Variants in LRRTM4 observed in about 807,000 individuals in gnomAD.
The protein encoded by LRRTM4 is leucine rich repeat transmembrane neuronal 4.
LRRTM4 carries 25 observed loss-of-function variants against 47.6 expected under a neutral mutation model. The ratio of observed to expected loss-of-function variants is 0.53; its 90% CI spans 0.38 to 0.73. LRRTM4 has a LOEUF of 0.73. Among genes scored for constraint, LRRTM4 ranks in the 30% least tolerant of loss-of-function variants. The probability of loss-of-function intolerance (pLI) is 0.00; values close to 1 mark genes in which losing one functional copy is unlikely to be tolerated. For missense variants in LRRTM4, 638 were observed against 713.4 expected, an observed-to-expected ratio of 0.89 and a Z score of 1.20; for synonymous variants, 311 against 269.5, an observed-to-expected ratio of 1.15 and a Z score of -1.51.
intron 3 of LRRTM4, among the ~76,000 whole-genome samples, chr2:77,087,337 A>C (rs1263468413): frequency 6.6e-6 from 1 of 152,240 alleles, no homozygotes; most frequent in Admixed American, 6.5e-5. Flanking sequence ...AATCTGGTAG[A>C]AACAAAAAAT....
At chr2:76,926,460 C>T (rs1165573266) in intron 3 of LRRTM4, among the ~76,000 whole-genome samples, 3 of 152,048 alleles carry the variant, frequency 2.0e-5, no homozygotes, top group Non-Finnish European at 4.4e-5. Context: ...CAAGGAGATA[C>T]ATTTTGGGCC....
chr2:76,853,272 A>G (rs1256038290), intron 3 of LRRTM4, among the ~76,000 whole-genome samples: 1 of 152,130 alleles, frequency 6.6e-6, no homozygotes. Flanking sequence ...TTGATTCAAG[A>G]GATGTTCAAG....
At chr2:76,787,097 A>C (rs1322045688) in intron 3 of LRRTM4, among the ~76,000 whole-genome samples, 1 of 152,104 alleles carries the variant, frequency 6.6e-6, no homozygotes, top group African/African-American at 2.4e-5. Flanking sequence ...GAAAGACAAT[A>C]CATGTGGCAA....
At chr2:77,074,000 A>G (rs1434546346) in intron 3 of LRRTM4, among the ~76,000 whole-genome samples, 2 of 152,118 alleles carry the variant, frequency 1.3e-5, no homozygotes, top group African/African-American at 4.8e-5. Flanking sequence ...CTTCTTATAA[A>G]TAACATATTG....
At chr2:77,153,066 C>G (rs908253138) in intron 3 of LRRTM4, among the ~76,000 whole-genome samples, 3 of 152,132 alleles carry the variant, frequency 2.0e-5, no homozygotes, top group Non-Finnish European at 4.4e-5. Context: ...GATCTTATAT[C>G]CTTCATCTCC....
chr2:77,019,162 T>C (rs1032752043), intron 3 of LRRTM4, among the ~76,000 whole-genome samples: 2 of 143,398 alleles, frequency 1.4e-5, no homozygotes, highest in Admixed American at 1.5e-4. Context: ...AGTCAGAATA[T>C]AGCTACACTA....
intron 3 of LRRTM4, among the ~76,000 whole-genome samples, chr2:77,037,735 TTTGTTTGC>T (rs1178512853): frequency 4.6e-5 from 7 of 151,556 alleles, no homozygotes; most frequent in African/African-American, 1.7e-4. Context: ...TGTTTGGTTG[TTTGTTTGC>T]TTATTTGTTT....
intron 3 of LRRTM4, among the ~76,000 whole-genome samples, chr2:77,075,565 A>T (rs1054454335): frequency 6.6e-6 from 1 of 152,164 alleles, no homozygotes; most frequent in African/African-American, 2.4e-5. Flanking sequence ...TCATACACTC[A>T]AATTGTATGC....
chr2:77,248,721 G>GA (rs561379990), intron 3 of LRRTM4, among the ~76,000 whole-genome samples: 3 of 151,968 alleles, frequency 2.0e-5, no homozygotes, highest in Non-Finnish European at 4.4e-5. Context: ...AAACAGAACA[G>GA]AAAACCCTGA....
chr2:77,478,144 G>A (rs1323986295), intron 3 of LRRTM4, among the ~76,000 whole-genome samples: 1 of 152,012 alleles, frequency 6.6e-6, no homozygotes, highest in African/African-American at 2.4e-5. Flanking sequence ...TGCCTCTTTA[G>A]TATTTTTCTT....
intron 3 of LRRTM4, among the ~76,000 whole-genome samples, chr2:77,305,248 A>G (rs1040769192): frequency 1.3e-5 from 2 of 151,998 alleles, no homozygotes; most frequent in African/African-American, 4.8e-5. Context: ...TAATTTTTCC[A>G]ATTTCTTATA....
intron 3 of LRRTM4, among the ~76,000 whole-genome samples, chr2:76,903,530 TGTCTCAAAA>T (rs1673717178): frequency 6.7e-6 from 1 of 149,104 alleles, no homozygotes; most frequent in Non-Finnish European, 1.5e-5. Context: ...AGCAAGATTC[TGTCTCAAAA>T]CAAAACAAAA....
intron 3 of LRRTM4, among the ~76,000 whole-genome samples, chr2:76,902,368 C>T (rs78970882): frequency 0.04 from 6,029 of 152,198 alleles, 256 homozygotes; most frequent in East Asian, 0.13. Context: ...AATTAGCCAG[C>T]CCCTATCCAA....
intron 3 of LRRTM4, among the ~76,000 whole-genome samples, chr2:77,084,323 A>C (rs1177148463): frequency 6.6e-6 from 1 of 152,142 alleles, no homozygotes; most frequent in Non-Finnish European, 1.5e-5. Flanking sequence ...GAAGATGAAG[A>C]CCATAGCTGG....
At chr2:77,444,988 A>C (rs72811233) in intron 3 of LRRTM4, among the ~76,000 whole-genome samples, 13,121 of 150,852 alleles carry the variant, frequency 0.087, 718 homozygotes, top group East Asian at 0.2. Context: ...AAAAAAAAAA[A>C]AACACTAAAT....
At chr2:76,944,816 A>T (rs1675269220) in intron 3 of LRRTM4, among the ~76,000 whole-genome samples, 1 of 152,100 alleles carries the variant, frequency 6.6e-6, no homozygotes, top group South Asian at 2.1e-4. Context: ...AATGGCGAGT[A>T]AAAAGAGTCT....
chr2:76,816,143 G>A (rs1444279250), intron 3 of LRRTM4, among the ~76,000 whole-genome samples: 2 of 151,986 alleles, frequency 1.3e-5, no homozygotes, highest in African/African-American at 4.8e-5. Context: ...TGACCTTGCT[G>A]GTATCAGACA....
At chr2:77,354,612 T>C (rs1002704159) in intron 3 of LRRTM4, among the ~76,000 whole-genome samples, 1 of 152,034 alleles carries the variant, frequency 6.6e-6, no homozygotes, top group Non-Finnish European at 1.5e-5. Flanking sequence ...AGCAGGACCA[T>C]GAAAGTAAAA....
chr2:76,900,195 C>A (rs1035492189), intron 3 of LRRTM4, among the ~76,000 whole-genome samples: 2 of 152,054 alleles, frequency 1.3e-5, no homozygotes, highest in African/African-American at 4.8e-5. Context: ...GATCACACCA[C>A]TGCACTCCAG....
Sources: gnomAD v4.1 joint callset for allele counts (sites outside exome capture counted in the v4.1 genomes callset) on GRCh38, gnomAD v4.1.1 for gene constraint, MANE v1.5 for transcripts, NCBI Gene and HGNC (gene_info 2026-07-23, HGNC 2026-07-21) for gene names.